The following DOK6 variants were observed in gnomAD, a reference collection of about 807,000 sequenced individuals.
DOK6 encodes the protein downstream of tyrosine kinase 6.
Under a neutral mutation model 44.0 loss-of-function variants are expected in DOK6, and 22 were observed. The observed-to-expected ratio is 0.50, with a 90% confidence interval of 0.36 to 0.71. DOK6 has a LOEUF of 0.71. DOK6 is among the 30% of genes least tolerant of loss of function. The probability of loss-of-function intolerance (pLI) is 0.00; values close to 1 mark genes in which losing one functional copy is unlikely to be tolerated. For synonymous variants in DOK6, 166 were observed against 145.5 expected (o/e 1.14, Z -1.01); for missense variants, 340 against 416.4 (o/e 0.82, Z 1.60).
chr18:69,779,798 T>C (rs1396694105), intron 7 of DOK6, among the ~76,000 whole-genome samples: 3 of 151,852 alleles, frequency 2.0e-5, no homozygotes, highest in Non-Finnish European at 2.9e-5. Context: ...GGACTTGTAA[T>C]TGGTCTTCTT....
At chr18:69,626,262 C>T (rs560561853) in intron 3 of DOK6, among the ~76,000 whole-genome samples, 57 of 152,272 alleles carry the variant, frequency 3.7e-4, no homozygotes, top group African/African-American at 1.2e-3. Flanking sequence ...CTCTAAATGA[C>T]ACAATTCGCT....
At chr18:69,589,233 G>T (rs112839575) in intron 2 of DOK6, among the ~76,000 whole-genome samples, 32 of 152,052 alleles carry the variant, frequency 2.1e-4, no homozygotes, top group African/African-American at 7.7e-4. Context: ...TTGTAATAAC[G>T]AAAATGCAGT....
intron 1 of DOK6, among the ~76,000 whole-genome samples, chr18:69,557,776 G>T (rs963415768): frequency 2.0e-5 from 3 of 152,146 alleles, no homozygotes; most frequent in African/African-American, 7.2e-5. Context: ...AAGTGGTACA[G>T]CATCCTGAAA....
intron 3 of DOK6, among the ~76,000 whole-genome samples, chr18:69,646,758 C>T (rs577384665): frequency 6.6e-6 from 1 of 152,232 alleles, no homozygotes; most frequent in East Asian, 1.9e-4. Flanking sequence ...CGACCAGGCC[C>T]CTCCTGGTCT....
rs150645167 is a variant in DOK6 at position 69,538,111 on chromosome 18, C to T, written c.67-26376C>T. Among the ~76,000 whole-genome samples the T allele has an allele frequency of 2.8e-3, 432 of 152,250 alleles. 5 individuals carry two copies. The highest frequency in any genetic ancestry group is 9.7e-3 in the African/African-American group (405 of 41,552). ...TATTGAAATCTAAGGTAAATAGGCT[C>T]TTTTCTCATGTATCTATCTTCTTGT... is the stretch of plus-strand genomic sequence containing the variant. On this transcript the variant is annotated intron_variant, in intron 1 of 7. Transcript: ENST00000382713.
At chr18:69,757,419 C>A (rs1344206648) in intron 6 of DOK6, among the ~76,000 whole-genome samples, 2 of 152,178 alleles carry the variant, frequency 1.3e-5, no homozygotes, top group Non-Finnish European at 2.9e-5. Flanking sequence ...GCAAATAATT[C>A]TTGTCCATAG....
chr18:69,439,114 C>G (rs991043113), intron 1 of DOK6, among the ~76,000 whole-genome samples: 1 of 152,064 alleles, frequency 6.6e-6, no homozygotes, highest in African/African-American at 2.4e-5. Flanking sequence ...TCCATCAGAG[C>G]TCTTGGGTAA....
Position 69,470,534 on chromosome 18 carries a change from T to G in DOK6, c.66+69224T>G, listed in dbSNP as rs543349497. ...CCCTGGCCCTCCCTCAGTCATTTAT[T>G]CTAGGTCTTGTTGGTCCAGCACTGC... is the stretch of plus-strand genomic sequence containing the variant. On this transcript the variant is annotated intron_variant, in intron 1 of 7. Coordinates refer to ENST00000382713, the MANE Select transcript of DOK6 (RefSeq NM_152721.6). Among the ~76,000 whole-genome samples, 6 of 152,160 alleles carry G rather than the reference T, an allele frequency of 3.9e-5. No homozygotes were observed. In the South Asian group the frequency reaches 1.2e-3, roughly 32 times the overall value.
At chr18:69,640,828 A>T (rs1984921373) in intron 3 of DOK6, among the ~76,000 whole-genome samples, 1 of 152,202 alleles carries the variant, frequency 6.6e-6, no homozygotes, top group Non-Finnish European at 1.5e-5. Context: ...ATTGCTTAAT[A>T]GTGGACTCTT....
At chr18:69,545,845 G>A (rs928652223) in intron 1 of DOK6, among the ~76,000 whole-genome samples, 5 of 151,314 alleles carry the variant, frequency 3.3e-5, no homozygotes, top group Admixed American at 3.3e-4. Flanking sequence ...TACAAAGTTG[G>A]TAAGTACATT....
intron 2 of DOK6, among the ~76,000 whole-genome samples, chr18:69,595,489 T>G (rs1983719773): frequency 6.6e-6 from 1 of 152,186 alleles, no homozygotes; most frequent in Admixed American, 6.5e-5. Flanking sequence ...TGTCTCTTCT[T>G]AAATAGACTT....
At chr18:69,566,307 T>G (rs1025328476) in intron 2 of DOK6, among the ~76,000 whole-genome samples, 6 of 152,032 alleles carry the variant, frequency 3.9e-5, no homozygotes, top group African/African-American at 1.5e-4. Context: ...CAGCTAATTT[T>G]TTGTGTTTTT....
intron 3 of DOK6, among the ~76,000 whole-genome samples, chr18:69,672,880 T>C (rs1287924690): frequency 6.6e-6 from 1 of 152,114 alleles, no homozygotes; most frequent in Non-Finnish European, 1.5e-5. Context: ...CTCTAAGCAA[T>C]AGCCTGTAAG....
At chr18:69,579,687 C>T (rs1045818174) in intron 2 of DOK6, among the ~76,000 whole-genome samples, 12 of 152,126 alleles carry the variant, frequency 7.9e-5, no homozygotes. Flanking sequence ...CCTCAGCCTC[C>T]CGAGTAGCTG....
intron 5 of DOK6, among the ~76,000 whole-genome samples, chr18:69,717,812 G>A (rs1159847249): frequency 6.6e-6 from 1 of 152,148 alleles, no homozygotes; most frequent in East Asian, 1.9e-4. Flanking sequence ...TTGTGAGTGT[G>A]GGCTGTATAT....
At chr18:69,510,041 T>C (rs1011151042) in intron 1 of DOK6, among the ~76,000 whole-genome samples, 3 of 152,246 alleles carry the variant, frequency 2.0e-5, no homozygotes, top group African/African-American at 7.2e-5. Context: ...AGAATGGCAA[T>C]TAGATGTAGC....
chr18:69,429,616 GATACATATATATAT>G lies in DOK6; in HGVS notation c.66+28310_66+28323del, dbSNP rs1281927592. ...TTTTTCTATAAGGAAAATATTGAGG[GATACATATATATAT>G]ATATATATATATATATATATATATA... On this transcript the variant is annotated intron_variant, in intron 1 of 7. Coordinates refer to ENST00000382713, the MANE Select transcript of DOK6 (RefSeq NM_152721.6). Among the ~76,000 whole-genome samples the G allele has an allele frequency of 3.7e-4, 29 of 78,156 alleles. No homozygotes were observed. The South Asian group carries it at 4.6e-3, about 12-fold the overall frequency. The allele number at this position is 78,156 out of a possible 152,430, so 51.3% of individuals were successfully genotyped here. A position where few individuals can be genotyped will look rare whatever the true frequency, so the allele number is the denominator to read the frequency against.
chr18:69,799,389 C>T lies in DOK6; in HGVS notation c.856+41516C>T, dbSNP rs913820224. Reference sequence around the variant, plus strand: ...GTAAATGAGATTATTAATCTTGACTCGTCTTTAACCTAAAAACTAACAGAA... The same window carrying T: ...GTAAATGAGATTATTAATCTTGACTTGTCTTTAACCTAAAAACTAACAGAA... On this transcript the variant is annotated intron_variant, in intron 7 of 7. Transcript: ENST00000382713. Among the ~76,000 whole-genome samples the T allele has an allele frequency of 5.9e-5, 9 of 151,968 alleles. No homozygotes were observed. In the South Asian group the frequency reaches 6.2e-4, roughly 11 times the overall value.
chr18:69,598,439 A>T (rs139892348), intron 2 of DOK6, among the ~76,000 whole-genome samples: 102 of 152,168 alleles, frequency 6.7e-4, no homozygotes, highest in Non-Finnish European at 1.3e-3. Context: ...TCATATAATT[A>T]TAGATATAAT....
Sources: allele counts gnomAD v4.1 joint callset (sites outside exome capture counted in the v4.1 genomes callset), GRCh38; gene constraint gnomAD v4.1.1; transcripts MANE v1.5; gene names NCBI Gene and HGNC (gene_info 2026-07-23, HGNC 2026-07-21).